The following VPS13C variants were observed in gnomAD, a reference collection of about 807,000 sequenced individuals.
VPS13C encodes the protein vacuolar protein sorting 13 homolog C.
In VPS13C, 358 loss-of-function variants were observed where a neutral mutation model predicts 456.8. The ratio of observed to expected loss-of-function variants is 0.78; its 90% CI spans 0.72 to 0.86. The LOEUF is 0.86. Among genes scored for constraint, VPS13C ranks in the 40% least tolerant of loss-of-function variants. The probability of loss-of-function intolerance (pLI) is 0.00; values close to 1 mark genes in which losing one functional copy is unlikely to be tolerated. For missense variants in VPS13C, 4,818 were observed against 4,385.4 expected, an observed-to-expected ratio of 1.10 and a Z score of -2.79; for synonymous variants, 1,578 against 1,486.7, an observed-to-expected ratio of 1.06 and a Z score of -1.41.
chr15:61,878,844 C>A, intron 73 of VPS13C, 98 bp from the exon 74 acceptor site: 1 of 1,269,560 alleles, frequency 7.9e-7, no homozygotes. Context: ...AAAAGTCTTT[C>A]GATTAGAGTC....
rs912711875 is a variant in VPS13C at position 61,972,630 on chromosome 15, T to G, written c.2752A>C (p.Lys918Gln). 11 of 1,612,570 alleles carry G rather than the reference T, an allele frequency of 6.8e-6. No homozygotes were observed. In the South Asian group the frequency reaches 1.2e-4, roughly 18 times the overall value. The change falls in exon 27 of 85, where the codon AAA becomes CAA. Residue 918 changes from lysine to glutamine, a missense_variant. This residue lies in a region of VPS13C where 4,552 missense variants were observed against 4,130.6 expected (regional missense o/e 1.10). Transcript: ENST00000644861. ...ATAGACAAAAAAGCACATACTTCTT[T>G]AATTTCAAACTTGAGTAGAAGATTG... ...LINLLLKFEI[K>Q]EVILEFTKQQ... is the part of the protein sequence containing the mutation.
intron 65 of VPS13C, among the ~76,000 whole-genome samples, chr15:61,908,193 G>C (rs947114838): frequency 6.6e-6 from 1 of 151,718 alleles, no homozygotes; most frequent in Admixed American, 6.6e-5. Context: ...CAGAGAACTG[G>C]GAGAAAAAAA....
At chr15:61,854,786 G>C in intron 84 of VPS13C, 85 bp downstream of exon 84, 1 of 1,247,196 alleles carries the variant, frequency 8.0e-7, no homozygotes, top group Non-Finnish European at 1.1e-6. Context: ...AGAGCTTTGG[G>C]AGAAATAATG....
At chr15:61,859,032 G>A (rs572771531) in intron 82 of VPS13C, among the ~76,000 whole-genome samples, 1 of 151,612 alleles carries the variant, frequency 6.6e-6, no homozygotes, top group African/African-American at 2.4e-5. Context: ...GATTACTCAC[G>A]TGTGTACTAT....
chr15:62,031,346 C>T (rs1030249948), intron 5 of VPS13C, among the ~76,000 whole-genome samples: 1 of 151,656 alleles, frequency 6.6e-6, no homozygotes, highest in African/African-American at 2.4e-5. Context: ...CTTTTAATAT[C>T]AATAAACAAG....
intron 1 of VPS13C, among the ~76,000 whole-genome samples, chr15:62,046,851 A>G (rs2048421019): frequency 6.6e-6 from 1 of 152,220 alleles, no homozygotes. Flanking sequence ...TGGCTAATAG[A>G]GTTAGACAAG....
intron 71 of VPS13C, 70 bp downstream of exon 71, chr15:61,881,493 G>T: frequency 6.9e-7 from 1 of 1,446,300 alleles, no homozygotes; most frequent in East Asian, 2.4e-5. Context: ...TTCAAAAAGA[G>T]TAAGATTTAT....
intron 28 of VPS13C, 150 bp from the exon 29 acceptor site, chr15:61,967,597 G>A: frequency 3.3e-6 from 2 of 597,124 alleles, no homozygotes. Flanking sequence ...GGCCATCACT[G>A]TTGAAGAAAT....
chr15:61,965,933 C>G, intron 30 of VPS13C, 150 bp downstream of exon 30: 1 of 456,408 alleles, frequency 2.2e-6, no homozygotes, highest in Non-Finnish European at 3.9e-6. Context: ...AAACACAGAG[C>G]ATGGTAAGTA....
intron 58 of VPS13C, 134 bp downstream of exon 58, chr15:61,919,155 T>G (rs549503347): frequency 2.4e-6 from 2 of 845,396 alleles, no homozygotes; most frequent in African/African-American, 3.6e-5. Flanking sequence ...ACTATTTATT[T>G]CTGAATAATT....
At chr15:61,866,943 G>T (rs1285540896) in intron 81 of VPS13C, 4 of 984,278 alleles carry the variant, frequency 4.1e-6, no homozygotes, top group Non-Finnish European at 3.6e-6. Flanking sequence ...CATGAAAGTT[G>T]CTAGATAAGA....
intron 49 of VPS13C, among the ~76,000 whole-genome samples, chr15:61,933,590 T>C (rs1201641857): frequency 2.6e-5 from 4 of 152,090 alleles, no homozygotes; most frequent in Non-Finnish European, 4.4e-5. Flanking sequence ...ATATGTATTA[T>C]AGGTATTAAT....
rs1433229502 is a variant in VPS13C at position 61,983,924 on chromosome 15, T to C, written c.1810A>G (p.Thr604Ala). 6 of 1,614,042 alleles carry C rather than the reference T, an allele frequency of 3.7e-6. No individual in the cohort carries two copies. The African/African-American group carries it at 4.0e-5, about 11-fold the overall frequency. ...AATTTAATTTTAAGCAAGGATGATG[T>C]AGTGTCACCAATTGAAGCCACAAGT... is the stretch of plus-strand genomic sequence containing the variant. ...PSLVASIGDT[T>A]SSLLKIKFET... The change falls in exon 20 of 85, where the codon ACA (threonine) becomes GCA (alanine). Residue 604 changes from threonine to alanine, a missense_variant. By Grantham distance (58) the Thr-to-Ala change is moderately conservative. Transcript: ENST00000644861.
rs1349288893 is a variant in VPS13C, at chr15:61,881,644, A to T, written c.9707-12T>A. 6.2e-7 allele frequency: 1 copy of T among 1,609,666 alleles called. No individual in the cohort carries two copies. Among genetic ancestry groups the T allele is most frequent in the Non-Finnish European group, 8.5e-7 (1 of 1,178,608 alleles). ...GAAAGGCTTGGGCTCTAAGAGGAAG[A>T]AGTAACACATAAAAAAAAATAATGC... On this transcript the variant is annotated splice_polypyrimidine_tract_variant and intron_variant, in intron 70 of 84. Transcript: ENST00000644861.
chr15:61,867,861 CAATT>C lies in VPS13C; in HGVS notation c.10863+794_10863+797del. ...ATTGACAATGGAATTCACACACAGT[CAATT>C]AACACCACAGTTTGTTTTGATTTTT... On this transcript the variant is annotated intron_variant, in intron 81 of 84. Coordinates refer to ENST00000644861, the MANE Select transcript of VPS13C (RefSeq NM_020821.3). The surrounding 1 kb of genome is among the most constrained non-coding windows in gnomAD (Gnocchi z 5.0). 1.9e-6 allele frequency: 3 copies of C among 1,583,416 alleles called. No homozygotes were observed. The highest frequency in any genetic ancestry group is 2.6e-6 in the Non-Finnish European group (3 of 1,165,410).
chr15:61,943,565 T>C (rs757821452), intron 45 of VPS13C, among the ~76,000 whole-genome samples: 44 of 152,060 alleles, frequency 2.9e-4, no homozygotes, highest in Middle Eastern at 3.2e-3. Context: ...TGGCTAGCCA[T>C]ATGCAAAAGA....
At chr15:61,989,292 C>T (rs558105730) in intron 18 of VPS13C, among the ~76,000 whole-genome samples, 1 of 151,566 alleles carries the variant, frequency 6.6e-6, no homozygotes, top group African/African-American at 2.4e-5. Context: ...TCCAGCTACT[C>T]GGGTGGCTTG....
chr15:61,897,566 G>C (rs888667788), intron 66 of VPS13C, among the ~76,000 whole-genome samples: 1 of 152,084 alleles, frequency 6.6e-6, no homozygotes, highest in Admixed American at 6.6e-5. Context: ...AGAGTAAAAA[G>C]AAATGAGCAA....
chr15:62,005,942 G>A (rs943164305), intron 15 of VPS13C, among the ~76,000 whole-genome samples: 127 of 151,544 alleles, frequency 8.4e-4, no homozygotes, highest in African/African-American at 2.8e-3. Context: ...GACCTCAGGT[G>A]ATCCGCCCGC....
Sources: allele counts gnomAD v4.1 joint callset (sites outside exome capture counted in the v4.1 genomes callset), GRCh38; gene constraint gnomAD v4.1.1; regional missense constraint gnomAD v4.1.1; non-coding constraint Gnocchi (gnomAD v3.1); transcripts MANE v1.5; gene names NCBI Gene and HGNC (gene_info 2026-07-23, HGNC 2026-07-21).